The following SORCS1 variants were observed in gnomAD, a reference collection of about 807,000 sequenced individuals.
SORCS1 encodes the protein VPS10 domain-containing receptor SorCS1.
Under a neutral mutation model 146.1 loss-of-function variants are expected in SORCS1, and 60 were observed. That is an observed-to-expected ratio of 0.41 (90% confidence interval 0.33 to 0.51). The LOEUF (loss-of-function observed/expected upper bound fraction) is 0.51. SORCS1 is among the 20% of genes least tolerant of loss of function. The pLI is 0.21. For synonymous variants in SORCS1, 637 were observed against 584.0 expected, an observed-to-expected ratio of 1.09 and a Z score of -1.31; for missense variants, 1,352 against 1,487.6, an observed-to-expected ratio of 0.91 and a Z score of 1.50.
At chr10:107,028,077 C>A (rs1442219648) in intron 1 of SORCS1, among the ~76,000 whole-genome samples, 1 of 152,136 alleles carries the variant, frequency 6.6e-6, no homozygotes, top group African/African-American at 2.4e-5. Flanking sequence ...CTCTTCTTGT[C>A]GTATTTTATC....
intron 1 of SORCS1, among the ~76,000 whole-genome samples, chr10:107,123,408 T>C (rs1342584723): frequency 1.3e-5 from 2 of 152,194 alleles, no homozygotes; most frequent in East Asian, 3.9e-4. Context: ...GTAAGTTCAA[T>C]TACAGAACCT....
chr10:107,175,519 C>A, the SORCS1 span, among the ~76,000 whole-genome samples: 2 of 152,128 alleles, frequency 1.3e-5, no homozygotes, highest in Non-Finnish European at 1.5e-5. Context: ...CTCACTGCAA[C>A]CTCTGCCTCC....
At chr10:106,596,036 C>T (rs1358162461) in intron 24 of SORCS1, among the ~76,000 whole-genome samples, 2 of 152,176 alleles carry the variant, frequency 1.3e-5, no homozygotes, top group Non-Finnish European at 2.9e-5. Context: ...GGCAGAGATG[C>T]TATTACCATC....
chr10:106,957,063 A>C (rs560824488), intron 1 of SORCS1, among the ~76,000 whole-genome samples: 2 of 152,304 alleles, frequency 1.3e-5, no homozygotes, highest in Middle Eastern at 3.4e-3. Context: ...TCATTTATTA[A>C]GGGGGATGAA....
chr10:107,079,348 C>T (rs1376098560), intron 1 of SORCS1, among the ~76,000 whole-genome samples: 1 of 152,014 alleles, frequency 6.6e-6, no homozygotes, highest in Non-Finnish European at 1.5e-5. Context: ...CAATACAGAC[C>T]CTTTCTGGAA....
chr10:106,909,748 C>T (rs544422324), intron 2 of SORCS1, among the ~76,000 whole-genome samples: 1 of 152,296 alleles, frequency 6.6e-6, no homozygotes, highest in East Asian at 1.9e-4. Context: ...TTTTACAAAT[C>T]ACCTCCAGTG....
intron 1 of SORCS1, among the ~76,000 whole-genome samples, chr10:107,162,104 T>A (rs931881599): frequency 1.3e-5 from 2 of 152,230 alleles, no homozygotes; most frequent in African/African-American, 2.4e-5. Flanking sequence ...CTGGCAGTGC[T>A]TGGCACCATT....
At chr10:107,006,730 C>T (rs936750530) in intron 1 of SORCS1, among the ~76,000 whole-genome samples, 16 of 152,178 alleles carry the variant, frequency 1.1e-4, no homozygotes, top group African/African-American at 2.4e-4. Flanking sequence ...GGCAGGAGAA[C>T]GGCGTGAACC....
At chr10:106,939,325 T>C (rs1224553638) in intron 2 of SORCS1, among the ~76,000 whole-genome samples, 1 of 152,196 alleles carries the variant, frequency 6.6e-6, no homozygotes, top group Admixed American at 6.5e-5. Flanking sequence ...ATTAATTTGG[T>C]TTAGGATTGG....
At chr10:107,063,438 A>T (rs1961430993) in intron 1 of SORCS1, among the ~76,000 whole-genome samples, 2 of 152,326 alleles carry the variant, frequency 1.3e-5, no homozygotes, top group South Asian at 4.1e-4. Context: ...AATCATTTAA[A>T]ATCATTTAAA....
intron 1 of SORCS1, among the ~76,000 whole-genome samples, chr10:107,140,717 C>G (rs562415514): frequency 6.6e-6 from 1 of 152,306 alleles, no homozygotes; most frequent in South Asian, 2.1e-4. Flanking sequence ...GCTCTATTGT[C>G]TCAAGACATC....
At chr10:106,988,531 G>A (rs981274463) in intron 1 of SORCS1, among the ~76,000 whole-genome samples, 2 of 151,980 alleles carry the variant, frequency 1.3e-5, no homozygotes, top group Non-Finnish European at 2.9e-5. Context: ...CAAAAAGTGA[G>A]TAAATATTCT....
At chr10:106,723,536 G>A (rs1855930600) in intron 6 of SORCS1, among the ~76,000 whole-genome samples, 1 of 152,128 alleles carries the variant, frequency 6.6e-6, no homozygotes, top group Non-Finnish European at 1.5e-5. Flanking sequence ...AAAATTTCCA[G>A]TAATACCTCC....
At chr10:106,771,244 G>A (rs935230287) in intron 4 of SORCS1, among the ~76,000 whole-genome samples, 2 of 151,768 alleles carry the variant, frequency 1.3e-5, no homozygotes, top group African/African-American at 4.8e-5. Context: ...TTTCCTTACA[G>A]TCACATCTGC....
chr10:107,038,701 GGGGA>G (rs925422457), intron 1 of SORCS1, among the ~76,000 whole-genome samples: 259 of 19,448 alleles, frequency 0.013, 3 homozygotes, highest in South Asian at 0.072. Context: ...GGGGGCGGGG[GGGGA>G]GGTGGTAGTG....
rs529428393 is a variant in SORCS1, at chr10:107,144,391, A to C, written c.558+19578T>G. ...AACAAAGATGAAGAATTAGTAAACA[A>C]AACTCAAAACTGTTGGGCACATGCA... On this transcript the variant is annotated intron_variant, in intron 1 of 25. Coordinates refer to ENST00000263054, the MANE Select transcript of SORCS1 (RefSeq NM_052918.5). 2.0e-5 allele frequency among the ~76,000 whole-genome samples: 3 copies of C among 152,372 alleles called. No individual in the cohort carries two copies. In the South Asian group the frequency reaches 6.2e-4, roughly 32 times the overall value.
chr10:106,767,367 G>C (rs1416605490), intron 4 of SORCS1, among the ~76,000 whole-genome samples: 1 of 152,180 alleles, frequency 6.6e-6, no homozygotes, highest in Non-Finnish European at 1.5e-5. Context: ...CGGTTGGGAA[G>C]GGAGGGCCAA....
intron 3 of SORCS1, among the ~76,000 whole-genome samples, chr10:106,785,269 A>C (rs180766470): frequency 6.6e-6 from 1 of 152,208 alleles, no homozygotes; most frequent in Non-Finnish European, 1.5e-5. Context: ...AGAAGTTGAC[A>C]TTACAACCAG....
At position 106,960,340 on chromosome 10, in the gene SORCS1, G is replaced by A. The variant is rs1024040488; in HGVS notation, c.559-3760C>T. On this transcript the variant is annotated intron_variant, in intron 1 of 25. Coordinates refer to ENST00000263054, the MANE Select transcript of SORCS1 (RefSeq NM_052918.5). The surrounding 1 kb of genome is among the most constrained non-coding windows in gnomAD (Gnocchi z 4.4). ...ACTTCTTTCACTGTGACTCCTTCTT[G>A]CCACATCTATCGCTTACACAACTTT... Among the ~76,000 whole-genome samples, 5 of 151,858 alleles carry A rather than the reference G, an allele frequency of 3.3e-5. No individual in the cohort carries two copies. Among genetic ancestry groups the A allele is most frequent in the Admixed American group, 2.6e-4 (4 of 15,258 alleles).
Sources: allele counts gnomAD v4.1 joint callset (sites outside exome capture counted in the v4.1 genomes callset), GRCh38; gene constraint gnomAD v4.1.1; non-coding constraint Gnocchi (gnomAD v3.1); transcripts MANE v1.5; gene names NCBI Gene and HGNC (gene_info 2026-07-23, HGNC 2026-07-21).